Variants in NFASC observed in about 807,000 individuals in gnomAD.
NFASC encodes the protein neurofascin.
A neutral mutation model predicts 147.5 loss-of-function variants in NFASC; 43 were observed. That is an observed-to-expected ratio of 0.29 (90% CI 0.23 to 0.38). The LOEUF (loss-of-function observed/expected upper bound fraction) is 0.38. NFASC is among the 10% of genes least tolerant of loss of function. The probability of loss-of-function intolerance (pLI) is 1.00; values close to 1 mark genes in which losing one functional copy is unlikely to be tolerated. For synonymous variants in NFASC, 622 were observed against 665.5 expected, an observed-to-expected ratio of 0.93 and a Z score of 1.01; for missense variants, 1,320 against 1,689.0, an observed-to-expected ratio of 0.78 and a Z score of 3.83.
chr1:204,970,557 T>A (rs2095205033), intron 10 of NFASC, 59 bp from the exon 11 acceptor site: 2 of 1,604,962 alleles, frequency 1.2e-6, no homozygotes, highest in South Asian at 2.2e-5. Context: ...GACTGCTTGG[T>A]TTCTTCTGCC....
intron 27 of NFASC, 40 bp downstream of exon 27, chr1:205,002,788 G>A: frequency 1.5e-6 from 2 of 1,377,222 alleles, no homozygotes; most frequent in East Asian, 2.7e-5. Context: ...TGCAAGCATG[G>A]GGCATTTCAT....
Position 204,954,505 on chromosome 1 carries a change from C to T in NFASC, c.412+121C>T. 1.2e-6 allele frequency: 1 copy of T among 862,496 alleles called. No individual in the cohort carries two copies. The highest frequency in any genetic ancestry group is 1.7e-5 in the South Asian group (1 of 57,458). The allele number at this position is 862,496 out of a possible 1,614,324, so 53.4% of individuals were successfully genotyped here. A position where few individuals can be genotyped will look rare whatever the true frequency, so the allele number is the denominator to read the frequency against. ...TGGCCTGCAGTTGCCTTGGTGTTCT[C>T]TATGCATCTTCCCCACCTCAGAATG... On this transcript the variant is annotated intron_variant, in intron 6 of 29. Coordinates refer to ENST00000339876, the MANE Select transcript of NFASC (RefSeq NM_001005388.3). The surrounding 1 kb of genome is among the most constrained non-coding windows in gnomAD (Gnocchi z 5.7).
chr1:204,934,936 A>G (rs975773842), intron 2 of NFASC, among the ~76,000 whole-genome samples: 4 of 152,242 alleles, frequency 2.6e-5, no homozygotes, highest in Admixed American at 6.5e-5. Flanking sequence ...AATATGCACT[A>G]GAGTTCTCTG....
intron 1 of NFASC, among the ~76,000 whole-genome samples, chr1:204,844,794 C>T (rs57482207): frequency 0.22 from 33,009 of 151,968 alleles, 5,424 homozygotes; most frequent in East Asian, 0.53. Flanking sequence ...CCACACTCTC[C>T]TACAGACTGA....
At chr1:204,927,229 C>T (rs572445964) in intron 2 of NFASC, among the ~76,000 whole-genome samples, 7 of 152,204 alleles carry the variant, frequency 4.6e-5, no homozygotes, top group Non-Finnish European at 1.0e-4. Flanking sequence ...TTGTTAGTCA[C>T]TCCTCTTCCC....
chr1:204,977,200 C>A, intron 16 of NFASC: 1 of 838,144 alleles, frequency 1.2e-6, no homozygotes, highest in Non-Finnish European at 1.5e-6. Flanking sequence ...CCTTTCCCTC[C>A]CGCTCCATCC....
At chr1:204,950,094 C>T (rs894868521) in intron 3 of NFASC, among the ~76,000 whole-genome samples, 3 of 152,244 alleles carry the variant, frequency 2.0e-5, no homozygotes, top group African/African-American at 7.2e-5. Flanking sequence ...TGGAGCTTTG[C>T]TCTGCAGCAG....
In NFASC at chr1:204,848,817, C is replaced by G. The variant is rs561909498; in HGVS notation, c.-200+20035C>G. 4.6e-5 allele frequency among the ~76,000 whole-genome samples: 7 copies of G among 152,338 alleles called. No homozygotes were observed. The South Asian group carries it at 1.5e-3, about 32-fold the overall frequency. ...CTCAGGATGTTTCCCGGTTACAACCCAGCTTCTGATCTTCACCTGCAGCTT... is the reference window on the plus strand; with the variant it reads ...CTCAGGATGTTTCCCGGTTACAACCGAGCTTCTGATCTTCACCTGCAGCTT... On this transcript the variant is annotated intron_variant, in intron 1 of 29. Coordinates refer to ENST00000339876, the MANE Select transcript of NFASC (RefSeq NM_001005388.3).
chr1:204,876,992 ATATG>A (rs200705619), intron 1 of NFASC, among the ~76,000 whole-genome samples: 22 of 55,654 alleles, frequency 4.0e-4, no homozygotes, highest in African/African-American at 3.1e-3. Context: ...AGTTGGCTAA[ATATG>A]TATATATATA....
Position 204,968,321 on chromosome 1 carries a change from G to A in NFASC, c.779G>A (p.Arg260His), listed in dbSNP as rs745730072. 1.1e-5 allele frequency: 17 copies of A among 1,614,200 alleles called. No homozygotes were observed. The highest frequency in any genetic ancestry group is 5.0e-5 in the Admixed American group (3 of 60,032). The change falls in exon 9 of 30, where the codon CGT becomes CAT. Residue 260 changes from arginine (R) to histidine (H), a missense_variant. Around this residue, in one of 3 missense-constraint regions of NFASC, gnomAD observed 981 missense variants for 1,289.5 expected, o/e 0.76. Transcript: ENST00000339876. This position sits in a 1 kb window ranked among gnomAD's most constrained non-coding sequence, Gnocchi z 5.4. ...ACCGCGAGCAGCCAGATGGTGCTTC[G>A]TGGCATGGACCTCCTGCTGGAATGC... ...QGTASSQMVL[R>H]GMDLLLECIA...
chr1:204,923,862 C>A (rs953728239), intron 2 of NFASC, among the ~76,000 whole-genome samples: 1 of 152,198 alleles, frequency 6.6e-6, no homozygotes, highest in Non-Finnish European at 1.5e-5. Context: ...CTTTCTGCTG[C>A]AGTGATGCAA....
At chr1:204,996,839 C>G (rs1042498278) in intron 24 of NFASC, among the ~76,000 whole-genome samples, 2 of 152,156 alleles carry the variant, frequency 1.3e-5, no homozygotes, top group African/African-American at 4.8e-5. Context: ...GCCTGGGGCT[C>G]CATGCCATCC....
intron 7 of NFASC, among the ~76,000 whole-genome samples, chr1:204,955,394 T>G (rs1033867672): frequency 6.6e-6 from 1 of 152,216 alleles, no homozygotes; most frequent in African/African-American, 2.4e-5. Flanking sequence ...TTTTTCCAAT[T>G]GGCCAATTGA....
intron 1 of NFASC, among the ~76,000 whole-genome samples, chr1:204,899,185 T>C (rs997989314): frequency 6.6e-6 from 1 of 152,224 alleles, no homozygotes; most frequent in Non-Finnish European, 1.5e-5. Context: ...GCTGGCTCCA[T>C]GCAGCCATCA....
At chr1:204,940,284 C>A (rs1034884321) in intron 2 of NFASC, among the ~76,000 whole-genome samples, 1 of 152,108 alleles carries the variant, frequency 6.6e-6, no homozygotes, top group Non-Finnish European at 1.5e-5. Context: ...CAAACTCTGT[C>A]TCTACTAAAA....
chr1:204,896,005 A>G (rs2083312460), intron 1 of NFASC, among the ~76,000 whole-genome samples: 2 of 152,182 alleles, frequency 1.3e-5, no homozygotes, highest in Middle Eastern at 3.2e-3. Flanking sequence ...TGTCCAATCT[A>G]TTGGATTCCT....
At chr1:205,001,129 T>C in intron 25 of NFASC, 41 bp from the exon 26 acceptor site, 2 of 1,196,138 alleles carry the variant, frequency 1.7e-6, no homozygotes, top group South Asian at 2.6e-5. Context: ...CTGGTGCCAC[T>C]CCCTCCTCAT....
At chr1:205,005,488 G>A (rs1223670201) in intron 27 of NFASC, among the ~76,000 whole-genome samples, 6 of 152,176 alleles carry the variant, frequency 3.9e-5, no homozygotes, top group South Asian at 2.1e-4. Flanking sequence ...TCTGGCTCCC[G>A]TCAGTTACAG....
At chr1:204,939,038 A>ATGTATGTGTG (rs772779672) in intron 2 of NFASC, among the ~76,000 whole-genome samples, 4,536 of 123,700 alleles carry the variant, frequency 0.037, 186 homozygotes, top group Non-Finnish European at 0.05. Flanking sequence ...GTATGGATGG[A>ATGTATGTGTG]TGTGTGTGTG....
Sources: gnomAD v4.1 joint callset for allele counts (sites outside exome capture counted in the v4.1 genomes callset) on GRCh38, gnomAD v4.1.1 for gene constraint, gnomAD v4.1.1 regional missense constraint, Gnocchi (gnomAD v3.1) non-coding constraint, MANE v1.5 for transcripts, NCBI Gene and HGNC (gene_info 2026-07-23, HGNC 2026-07-21) for gene names.